Variants in UBE4A observed in about 807,000 individuals in gnomAD.
UBE4A encodes ubiquitination factor E4A, also known as ubiquitin conjugation factor E4 A.
A neutral mutation model predicts 117.9 loss-of-function variants in UBE4A; 48 were observed. That is an observed-to-expected ratio of 0.41 (90% CI 0.32 to 0.52). UBE4A has a LOEUF of 0.52. Among genes scored for constraint, UBE4A ranks in the 20% least tolerant of loss-of-function variants. The pLI, the probability that UBE4A is intolerant of heterozygous loss-of-function variation, is 0.33. For synonymous variants in UBE4A, 407 were observed against 450.0 expected (o/e 0.90, Z 1.21); for missense variants, 1,067 against 1,296.3 (o/e 0.82, Z 2.72).
At chr11:118,376,069 A>G (rs929001703) in intron 9 of UBE4A, among the ~76,000 whole-genome samples, 4 of 152,160 alleles carry the variant, frequency 2.6e-5, no homozygotes, top group African/African-American at 4.8e-5. Flanking sequence ...GAGAGGCTCA[A>G]TGTGGCTAGG....
At position 118,390,658 on chromosome 11, in the gene UBE4A, G is replaced by A. The variant is rs536330651; in HGVS notation, c.2770G>A (p.Asp924Asn). The change falls in exon 18 of 20, where the codon GAT (aspartate) becomes AAT (asparagine). Residue 924 changes from aspartate (D) to asparagine (N), a missense_variant and splice_region_variant. Around this residue, in one of 3 missense-constraint regions of UBE4A, gnomAD observed 1,001 missense variants for 1,184.0 expected, o/e 0.85. Transcript: ENST00000252108. ...DICTIYLNLG[D>N]EENFCATVPK... Reference sequence around the variant, plus strand: ...TTTTTTCTGATGCTAATGTTCCAGGGATGAGGAGAATTTCTGTGCCACTGT... The same window carrying A: ...TTTTTTCTGATGCTAATGTTCCAGGAATGAGGAGAATTTCTGTGCCACTGT... 199 of 1,513,800 alleles carry A rather than the reference G, an allele frequency of 1.3e-4. 3 individuals carry two copies. The South Asian group carries it at 2.6e-3, about 19-fold the overall frequency. 93.8% of individuals were successfully genotyped at this position (1,513,800 alleles called of 1,614,324 possible).
intron 11 of UBE4A, 56 bp downstream of exon 11, chr11:118,379,806 G>A: frequency 6.5e-7 from 1 of 1,540,074 alleles, no homozygotes; most frequent in African/African-American, 1.4e-5. Flanking sequence ...GTTTAAGTGG[G>A]TCACTTTGGA....
chr11:118,363,143 C>T lies in UBE4A; in HGVS notation c.-41-1897C>T, dbSNP rs576948113. On this transcript the variant is annotated intron_variant, in intron 1 of 19. Coordinates refer to ENST00000252108, the MANE Select transcript of UBE4A (RefSeq NM_001204077.2). ...ACTACAGGTAATAATTAAACTTGTG[C>T]GGTAATTACATGGGGAAAATCCCTC... 1.0e-3 allele frequency among the ~76,000 whole-genome samples: 156 copies of T among 152,096 alleles called. 1 individual carries two copies. Among genetic ancestry groups the T allele is most frequent in the Non-Finnish European group, 1.3e-3 (89 of 68,020 alleles).
chr11:118,383,671 A>G (rs1023167464), intron 13 of UBE4A, among the ~76,000 whole-genome samples: 1 of 151,458 alleles, frequency 6.6e-6, no homozygotes, highest in Non-Finnish European at 1.5e-5. Flanking sequence ...TTTAAACAGT[A>G]CCCTGTCTCA....
chr11:118,363,476 G>A (rs3825054), intron 1 of UBE4A, among the ~76,000 whole-genome samples: 29,713 of 152,096 alleles, frequency 0.2, 3,441 homozygotes, highest in East Asian at 0.51. Flanking sequence ...CTAATTAGCC[G>A]TTAGCTCTTG....
chr11:118,369,760 T>C (rs1211953899), intron 4 of UBE4A, among the ~76,000 whole-genome samples: 1 of 151,426 alleles, frequency 6.6e-6, no homozygotes, highest in Admixed American at 6.6e-5. Context: ...CATGCCCAAA[T>C]CTACCCATCC....
At chr11:118,388,313 G>T (rs1281245990) in intron 16 of UBE4A, among the ~76,000 whole-genome samples, 4 of 151,902 alleles carry the variant, frequency 2.6e-5, no homozygotes, top group Admixed American at 6.6e-5. Flanking sequence ...TTAATTTTTG[G>T]AATTCATGCC....
chr11:118,373,148 G>A lies in UBE4A; in HGVS notation c.784G>A (p.Val262Ile), dbSNP rs571543574. Reference sequence around the variant, plus strand: ...TGAAGCCTTGATATTGGATGAGGAAGTTAGAACATTTCCAGAAGTCATGAT... The same window carrying A: ...TGAAGCCTTGATATTGGATGAGGAAATTAGAACATTTCCAGAAGTCATGAT... Reference protein sequence around the residue: ...VIEALILDEEVRTFPEVMIPV... With the variant: ...VIEALILDEEIRTFPEVMIPV... The change falls in exon 7 of 20, where the codon GTT (valine) becomes ATT (isoleucine). Residue 262 changes from valine (V) to isoleucine (I), a missense_variant. By Grantham distance (29) the Val-to-Ile change is conservative. Transcript: ENST00000252108. The A allele has an allele frequency of 6.8e-6, 11 of 1,614,096 alleles. No homozygotes were observed. Among genetic ancestry groups the A allele is most frequent in the African/African-American group, 1.3e-5 (1 of 75,038 alleles).
In UBE4A at chr11:118,376,839, C is replaced by T; in HGVS notation, c.1571+145C>T. 3.0e-6 allele frequency: 3 copies of T among 993,222 alleles called. No homozygotes were observed. The East Asian group carries it at 8.2e-5, about 27-fold the overall frequency. 61.5% of individuals were successfully genotyped at this position (993,222 alleles called of 1,614,324 possible). Reference sequence around the variant, plus strand: ...CCAAGGCAGAAGGATTGCTTGAGGCCAGAAGTTTAAGACCACCAACCTGGG... The same window carrying T: ...CCAAGGCAGAAGGATTGCTTGAGGCTAGAAGTTTAAGACCACCAACCTGGG... On this transcript the variant is annotated intron_variant, in intron 10 of 19. Coordinates refer to ENST00000252108, the MANE Select transcript of UBE4A (RefSeq NM_001204077.2).
intron 18 of UBE4A, among the ~76,000 whole-genome samples, chr11:118,391,420 C>T (rs112563022): frequency 0.025 from 3,747 of 149,126 alleles, 71 homozygotes; most frequent in Non-Finnish European, 0.037. Flanking sequence ...ACCTGGGAGG[C>T]GGAGGTTGCA....
chr11:118,372,402 C>A, intron 5 of UBE4A, 105 bp from the exon 6 acceptor site: 1 of 1,132,242 alleles, frequency 8.8e-7, no homozygotes, highest in Non-Finnish European at 1.2e-6. Context: ...AATTTTCAAG[C>A]ATCCACAGGA....
At chr11:118,383,814 T>C (rs1948729442) in intron 13 of UBE4A, among the ~76,000 whole-genome samples, 1 of 152,198 alleles carries the variant, frequency 6.6e-6, no homozygotes, top group African/African-American at 2.4e-5. Context: ...ATATTTGGAT[T>C]CTGGTTTTTT....
Position 118,396,536 on chromosome 11 carries a change from C to G in UBE4A, c.*96C>G. 9.5e-7 allele frequency: 1 copy of G among 1,055,122 alleles called. No homozygotes were observed. Among genetic ancestry groups the G allele is most frequent in the Non-Finnish European group, 1.3e-6 (1 of 776,440 alleles). 65.4% of individuals were successfully genotyped at this position (1,055,122 alleles called of 1,614,324 possible). On this transcript the variant is annotated 3_prime_UTR_variant, in exon 20 of 20. Coordinates refer to ENST00000252108, the MANE Select transcript of UBE4A (RefSeq NM_001204077.2). ...TCTGGTTCTGTTCCTTTTCTTTCTT[C>G]TTTTCTTTTTCTTTTTTTTTTTTTT... is the stretch of plus-strand genomic sequence containing the variant.
intron 4 of UBE4A, among the ~76,000 whole-genome samples, chr11:118,369,954 T>C (rs373315576): frequency 6.6e-6 from 1 of 151,908 alleles, no homozygotes; most frequent in East Asian, 1.9e-4. Context: ...TAGCTGGGCA[T>C]GGTGGTGGGC....
Position 118,398,868 on chromosome 11 carries a change from G to A in UBE4A, c.*2428G>A, listed in dbSNP as rs1391237308. 5 of 181,836 alleles carry A rather than the reference G, an allele frequency of 2.7e-5. No individual in the cohort carries two copies. Among genetic ancestry groups the A allele is most frequent in the African/African-American group, 9.5e-5 (4 of 42,098 alleles). The allele number at this position is 181,836 out of a possible 1,614,324, so 11.3% of individuals were successfully genotyped here. A position where few individuals can be genotyped will look rare whatever the true frequency, so the allele number is the denominator to read the frequency against. The stretch of plus-strand genomic sequence containing the variant: ...TGTTAAAGGTTTTTTAATGGTGCAA[G>A]TGAAGGTGCCAGTTGCTATTTGATA... On this transcript the variant is annotated 3_prime_UTR_variant, in exon 20 of 20. Transcript: ENST00000252108.
chr11:118,381,611 C>T, intron 12 of UBE4A, 88 bp downstream of exon 12: 1 of 1,527,170 alleles, frequency 6.5e-7, no homozygotes, highest in Non-Finnish European at 8.8e-7. Context: ...AAGCCTGAAT[C>T]ATAAGGGGTT....
In UBE4A at chr11:118,399,106, A is replaced by T. The variant is rs1555130377; in HGVS notation, c.*2666A>T. On this transcript the variant is annotated 3_prime_UTR_variant, in exon 20 of 20. Coordinates refer to ENST00000252108, the MANE Select transcript of UBE4A (RefSeq NM_001204077.2). ...AGGTTGATTGAAATAAAACTTGATC[A>T]ACGCGACTGTATTTTGAAACATTCC... 4.4e-6 allele frequency: 2 copies of T among 455,262 alleles called. No individual in the cohort carries two copies. Among genetic ancestry groups the T allele is most frequent in the Non-Finnish European group, 4.4e-6 (1 of 226,250 alleles). 28.2% of individuals were successfully genotyped at this position (455,262 alleles called of 1,614,324 possible). A position where few individuals can be genotyped will look rare whatever the true frequency, so the allele number is the denominator to read the frequency against.
At chr11:118,368,006 T>C (rs1485482783) in intron 2 of UBE4A, among the ~76,000 whole-genome samples, 3 of 152,196 alleles carry the variant, frequency 2.0e-5, no homozygotes, top group Admixed American at 6.5e-5. Context: ...ATGCAAAAGA[T>C]GTGATACAAT....
In UBE4A at chr11:118,373,482, CT is replaced by C; in HGVS notation, c.925-10del. Reference sequence around the variant, plus strand: ...ATGAAGATGAATAAGCAGAACTTGTCTTCTCTTACAGGTTTTTGTAGAATAC... The same window carrying C: ...ATGAAGATGAATAAGCAGAACTTGTCTCTCTTACAGGTTTTTGTAGAATAC... On this transcript the variant is annotated splice_polypyrimidine_tract_variant and intron_variant, in intron 7 of 19. Transcript: ENST00000252108. 1.2e-6 allele frequency: 2 copies of C among 1,605,510 alleles called. No homozygotes were observed. The highest frequency in any genetic ancestry group is 1.7e-6 in the Non-Finnish European group (2 of 1,175,620).
Sources: allele counts gnomAD v4.1 joint callset (sites outside exome capture counted in the v4.1 genomes callset), GRCh38; gene constraint gnomAD v4.1.1; regional missense constraint gnomAD v4.1.1; transcripts MANE v1.5; gene names NCBI Gene and HGNC (gene_info 2026-07-23, HGNC 2026-07-21).